RAMAC: variants seen among roughly 807,000 people sequenced by gnomAD.
RAMAC encodes the protein RNA guanine-N7 methyltransferase activating subunit.
A neutral mutation model predicts 17.9 loss-of-function variants in RAMAC; 11 were observed. The ratio of observed to expected loss-of-function variants is 0.61; its 90% CI spans 0.39 to 1.02. RAMAC has a LOEUF of 1.02. RAMAC is among the 50% of genes least tolerant of loss of function. The pLI is 0.01. For synonymous variants in RAMAC, 27 were observed against 48.4 expected (o/e 0.56, Z 1.84); for missense variants, 109 against 144.0 (o/e 0.76, Z 1.25).
chr15:82,989,155 G>C lies in RAMAC; in HGVS notation c.137G>C (p.Arg46Thr), dbSNP rs1421761050. 1 of 1,613,550 alleles carries C rather than the reference G, an allele frequency of 6.2e-7. No homozygotes were observed. The highest frequency in any genetic ancestry group is 1.1e-5 in the South Asian group (1 of 90,954). Residue 46 changes from arginine to threonine, a missense_variant, in exon 3 of 4, where the codon AGA (arginine) becomes ACA (threonine). By Grantham distance (71) the Arg-to-Thr change is moderately conservative. Coordinates refer to ENST00000304191, the MANE Select transcript of RAMAC (RefSeq NM_031452.4). ...CCAATTGTTGAGGAATGGAATAGCA[G>C]AGCTGGTGGGAACCAAAGAAACAGA... ...SPPIVEEWNS[R>T]AGGNQRNRGN...
At chr15:82,988,739 TG>T in intron 2 of RAMAC, 1 of 456,508 alleles carries the variant, frequency 2.2e-6, no homozygotes. Context: ...GAGGCTGAGG[TG>T]GGAGGATTGT....
At chr15:82,988,926 T>C (rs765023869) in intron 2 of RAMAC, 84 bp from the exon 3 acceptor site, 23 of 1,260,318 alleles carry the variant, frequency 1.8e-5, no homozygotes, top group Non-Finnish European at 2.4e-5. Context: ...GCCTAAAAAT[T>C]GCTTACTTCT....
rs764797998 is a variant in RAMAC, at chr15:82,990,698, CTGG to C, written c.*639_*641del. 6.8e-7 allele frequency: 1 copy of C among 1,477,554 alleles called. No individual in the cohort carries two copies. The highest frequency in any genetic ancestry group is 1.2e-5 in the South Asian group (1 of 82,420). The allele number at this position is 1,477,554 out of a possible 1,614,324, so 91.5% of individuals were successfully genotyped here. ...AATCATTGTCAGTTTGTGTCTTGAT[CTGG>C]TGGTGGTTGGGATAAGGGTACACAT... is the stretch of plus-strand genomic sequence containing the variant. On this transcript the variant is annotated 3_prime_UTR_variant, in exon 4 of 4. Coordinates refer to ENST00000304191, the MANE Select transcript of RAMAC (RefSeq NM_031452.4).
intron 1 of RAMAC, among the ~76,000 whole-genome samples, 182 bp downstream of exon 1, chr15:82,986,551 C>T (rs1357931801): frequency 6.6e-6 from 1 of 152,184 alleles, no homozygotes; most frequent in Non-Finnish European, 1.5e-5. Flanking sequence ...AGCAAATCTG[C>T]CAGAACCTTG....
intron 2 of RAMAC, among the ~76,000 whole-genome samples, chr15:82,988,035 CAAA>C (rs1293418063): frequency 5.5e-5 from 3 of 55,026 alleles, no homozygotes; most frequent in Non-Finnish European, 1.1e-4. Context: ...AACTCCGTCT[CAAA>C]AAAAAAAAAA....
intron 2 of RAMAC, 175 bp from the exon 3 acceptor site, chr15:82,988,835 C>CAAA (rs111311452): frequency 5.3e-5 from 24 of 455,382 alleles, no homozygotes; most frequent in Middle Eastern, 5.6e-4. Context: ...GACCCTGTCT[C>CAAA]AAAAAAAAAA....
rs397854504 is a variant in RAMAC, at chr15:82,990,543, CTT to C, written c.*489_*490del. 15,797 of 662,570 alleles carry C rather than the reference CTT, an allele frequency of 0.024. No individual in the cohort carries two copies. Among genetic ancestry groups the C allele is most frequent in the Admixed American group, 0.028 (787 of 28,544 alleles). The allele number at this position is 662,570 out of a possible 1,614,324, so 41.0% of individuals were successfully genotyped here. On this transcript the variant is annotated 3_prime_UTR_variant, in exon 4 of 4. Transcript: ENST00000304191. The stretch of plus-strand genomic sequence containing the variant: ...CAGCAGTTGAAAGGTAAAACAATTG[CTT>C]TTTTTTTTTTTTGCATTTGTTAAGT...
In RAMAC at chr15:82,989,838, T is replaced by A. The variant is rs768827464; in HGVS notation, c.171-43T>A. 16 of 1,600,394 alleles carry A rather than the reference T, an allele frequency of 1.0e-5. No individual in the cohort carries two copies. In the South Asian group the frequency reaches 1.7e-4, roughly 17 times the overall value. On this transcript the variant is annotated intron_variant, in intron 3 of 3. Coordinates refer to ENST00000304191, the MANE Select transcript of RAMAC (RefSeq NM_031452.4). ...CTATGGGTTTGTCATATGTTTTTTT[T>A]AACAAGGGAAGTTTAAAGATCTTTT... is the stretch of plus-strand genomic sequence containing the variant.
Position 82,990,784 on chromosome 15 carries a change from A to C in RAMAC, c.*717A>C. 2 of 737,402 alleles carry C rather than the reference A, an allele frequency of 2.7e-6. No individual in the cohort carries two copies. The highest frequency in any genetic ancestry group is 4.6e-6 in the Non-Finnish European group (2 of 432,176). 45.7% of individuals were successfully genotyped at this position (737,402 alleles called of 1,614,324 possible). A position where few individuals can be genotyped will look rare whatever the true frequency, so the allele number is the denominator to read the frequency against. On this transcript the variant is annotated 3_prime_UTR_variant, in exon 4 of 4. Transcript: ENST00000304191. ...CAACATAGCAGGTCAAAATTCACAC[A>C]TAAGAAAGTTTAACTCTGTACTGTT... is the stretch of plus-strand genomic sequence containing the variant.
In RAMAC at chr15:82,990,716, A is replaced by G; in HGVS notation, c.*649A>G. On this transcript the variant is annotated 3_prime_UTR_variant, in exon 4 of 4. Transcript: ENST00000304191. ...TCTTGATCTGGTGGTGGTTGGGATA[A>G]GGGTACACATCATTTTATACAAACA... 7.4e-7 allele frequency: 1 copy of G among 1,344,394 alleles called. No homozygotes were observed. Among genetic ancestry groups the G allele is most frequent in the Non-Finnish European group, 1.0e-6 (1 of 960,838 alleles). The allele number at this position is 1,344,394 out of a possible 1,614,324, so 83.3% of individuals were successfully genotyped here.
In RAMAC at chr15:82,989,085, G is replaced by A. The variant is rs751845546; in HGVS notation, c.67G>A (p.Asp23Asn). 6.2e-7 allele frequency: 1 copy of A among 1,613,736 alleles called. No individual in the cohort carries two copies. The highest frequency in any genetic ancestry group is 1.3e-5 in the African/African-American group (1 of 74,888). ...EMFASRFTEN[D>N]KEYQEYLKRP... Reference sequence around the variant, plus strand: ...GTTTGCTAGTAGATTCACAGAAAATGACAAGGAGTATCAGGAATACCTGAA... The same window carrying A: ...GTTTGCTAGTAGATTCACAGAAAATAACAAGGAGTATCAGGAATACCTGAA... Residue 23 changes from aspartate (D) to asparagine (N), a missense_variant, in exon 3 of 4, where the codon GAC (aspartate) becomes AAC (asparagine). Coordinates refer to ENST00000304191, the MANE Select transcript of RAMAC (RefSeq NM_031452.4).
At chr15:82,988,866 T>C (rs2030738509) in intron 2 of RAMAC, 144 bp from the exon 3 acceptor site, 1 of 700,730 alleles carries the variant, frequency 1.4e-6, no homozygotes. Context: ...GAATTCAATA[T>C]CTAAAATATG....
chr15:82,987,758 G>C (rs989874619), intron 2 of RAMAC, among the ~76,000 whole-genome samples: 3 of 152,226 alleles, frequency 2.0e-5, no homozygotes, highest in Non-Finnish European at 2.9e-5. Context: ...AAGAGTGTCA[G>C]GCTGGGCGCG....
chr15:82,989,281 T>A, intron 3 of RAMAC, 93 bp downstream of exon 3: 2 of 1,334,948 alleles, frequency 1.5e-6, no homozygotes, highest in South Asian at 2.9e-5. Flanking sequence ...CAGGGACCAG[T>A]GTTTTTGGTA....
chr15:82,989,204 AAT>A lies in RAMAC; in HGVS notation c.170+18_170+19del. 1.9e-6 allele frequency: 3 copies of A among 1,609,550 alleles called. No homozygotes were observed. Among genetic ancestry groups the A allele is most frequent in the Non-Finnish European group, 2.5e-6 (3 of 1,178,300 alleles). On this transcript the variant is annotated intron_variant, in intron 3 of 3. Coordinates refer to ENST00000304191, the MANE Select transcript of RAMAC (RefSeq NM_031452.4). ...GAGGCAATCGGTGTGTATTCAAAAGAATAAATGCAGATAGTTGATCTGGCAGA... is the reference window on the plus strand; with the variant it reads ...GAGGCAATCGGTGTGTATTCAAAAGAAAATGCAGATAGTTGATCTGGCAGA...
At position 82,989,149 on chromosome 15, in the gene RAMAC, A is replaced by G; in HGVS notation, c.131A>G (p.Asn44Ser). 2 of 1,613,888 alleles carry G rather than the reference A, an allele frequency of 1.2e-6. No individual in the cohort carries two copies. Among genetic ancestry groups the G allele is most frequent in the Non-Finnish European group, 1.7e-6 (2 of 1,179,842 alleles). The change falls in exon 3 of 4, where the codon AAT becomes AGT. Residue 44 changes from asparagine to serine, a missense_variant. Asn to Ser is a conservative substitution (Grantham distance 46, BLOSUM62 1). Transcript: ENST00000304191. ...PESPPIVEEW[N>S]SRAGGNQRNR... The stretch of plus-strand genomic sequence containing the variant: ...TCTCCTCCAATTGTTGAGGAATGGA[A>G]TAGCAGAGCTGGTGGGAACCAAAGA...
chr15:82,986,223 A>C lies in RAMAC; in HGVS notation c.-205A>C. The stretch of plus-strand genomic sequence containing the variant: ...GAAGCGGAAGTCAGGTGGTTGTCGG[A>C]TTTTAGAGGAAGGCGCTCGGTTACA... On this transcript the variant is annotated 5_prime_UTR_variant, in exon 1 of 4. Transcript: ENST00000304191. The C allele has an allele frequency of 1.9e-6, 1 of 517,456 alleles. No homozygotes were observed. Among genetic ancestry groups the C allele is most frequent in the Non-Finnish European group, 2.5e-6 (1 of 402,456 alleles). 32.1% of individuals were successfully genotyped at this position (517,456 alleles called of 1,614,324 possible). A position where few individuals can be genotyped will look rare whatever the true frequency, so the allele number is the denominator to read the frequency against.
intron 1 of RAMAC, among the ~76,000 whole-genome samples, chr15:82,986,587 G>A (rs950997446): frequency 2.6e-5 from 4 of 152,200 alleles, no homozygotes; most frequent in South Asian, 4.1e-4. Context: ...TGTGCCTTGA[G>A]GACGGACTGG....
At chr15:82,987,745 G>A (rs1372432248) in intron 2 of RAMAC, among the ~76,000 whole-genome samples, 2 of 152,148 alleles carry the variant, frequency 1.3e-5, no homozygotes, top group Non-Finnish European at 2.9e-5. Context: ...TAGCCTGAAA[G>A]ATAAGAGTGT....
Sources: allele counts gnomAD v4.1 joint callset (sites outside exome capture counted in the v4.1 genomes callset), GRCh38; gene constraint gnomAD v4.1.1; transcripts MANE v1.5; gene names NCBI Gene and HGNC (gene_info 2026-07-23, HGNC 2026-07-21).